Variants in YBX1 observed in about 807,000 individuals in gnomAD.
YBX1 encodes Y-box-binding protein 1.
Under a neutral mutation model 41.4 loss-of-function variants are expected in YBX1, and 3 were observed. The ratio of observed to expected loss-of-function variants is 0.07; its 90% CI spans 0.03 to 0.19. The LOEUF is 0.19. Ranked by LOEUF, YBX1 falls within the 10% of genes least tolerant of loss-of-function variation. YBX1 has a pLI of 1.00. For missense variants in YBX1, 274 were observed against 462.8 expected (o/e 0.59, Z 3.74); for synonymous variants, 133 against 165.8 (o/e 0.80, Z 1.52).
intron 2 of YBX1, among the ~76,000 whole-genome samples, chr1:42,687,001 C>T (rs1015858625): frequency 5.9e-5 from 9 of 152,206 alleles, no homozygotes; most frequent in South Asian, 4.2e-4. Flanking sequence ...TATTTTTAGC[C>T]GTTGAAAGAC....
At position 42,702,655 on chromosome 1, in the gene YBX1, C is replaced by G. The variant is rs1416040766; in HGVS notation, c.*706C>G. On this transcript the variant is annotated 3_prime_UTR_variant, in exon 8 of 8. Transcript: ENST00000321358. ...AGGCATTGTTTAAAAGGGCATTGCT[C>G]TAGCCTAGACCGACCAGACTCTCAT... Among the ~76,000 whole-genome samples the G allele has an allele frequency of 1.3e-5, 2 of 152,128 alleles. No homozygotes were observed. The highest frequency in any genetic ancestry group is 6.6e-5 in the Admixed American group (1 of 15,264).
At chr1:42,683,090 G>A (rs1236847651) in intron 1 of YBX1, 3 of 537,148 alleles carry the variant, frequency 5.6e-6, no homozygotes, top group Non-Finnish European at 7.0e-6. Context: ...GCGTGTGCTC[G>A]GAGGGCGCGG....
chr1:42,703,296 T>C lies in YBX1; in HGVS notation c.*1347T>C, dbSNP rs999363575. 1.3e-5 allele frequency among the ~76,000 whole-genome samples: 2 copies of C among 152,018 alleles called. No individual in the cohort carries two copies. The highest frequency in any genetic ancestry group is 2.9e-5 in the Non-Finnish European group (2 of 68,000). On this transcript the variant is annotated 3_prime_UTR_variant, in exon 8 of 8. Transcript: ENST00000321358. The stretch of plus-strand genomic sequence containing the variant: ...CTTTGTGAAATAGTCATGTAGTTGA[T>C]AGTGACTGCTGCCCCGAAACACTCC...
In YBX1 at chr1:42,697,237, C is replaced by T. The variant is rs774310804; in HGVS notation, c.715C>T (p.Arg239Trp). Residue 239 changes from arginine to tryptophan, a missense_variant, in exon 6 of 8, where the codon CGG becomes TGG. Transcript: ENST00000321358. ...QGRPVRQNMY[R>W]GYRPRFRRGP... ...TAGACCAGTGAGGCAGAATATGTAT[C>T]GGGGATATAGACCACGATTCCGCAG... 6 of 1,613,882 alleles carry T rather than the reference C, an allele frequency of 3.7e-6. No homozygotes were observed. Among genetic ancestry groups the T allele is most frequent in the South Asian group, 1.1e-5 (1 of 91,024 alleles).
At chr1:42,684,551 TAATC>T (rs1285001579) in intron 2 of YBX1, among the ~76,000 whole-genome samples, 1 of 152,246 alleles carries the variant, frequency 6.6e-6, no homozygotes, top group Non-Finnish European at 1.5e-5. Context: ...AACTGTTCAT[TAATC>T]AATCATAGAG....
chr1:42,702,827 C>T lies in YBX1; in HGVS notation c.*878C>T, dbSNP rs181914437. Among the ~76,000 whole-genome samples the T allele has an allele frequency of 2.8e-3, 433 of 152,294 alleles. 1 individual carries two copies. The highest frequency in any genetic ancestry group is 0.01 in the African/African-American group (418 of 41,570). On this transcript the variant is annotated 3_prime_UTR_variant, in exon 8 of 8. Coordinates refer to ENST00000321358, the MANE Select transcript of YBX1 (RefSeq NM_004559.5). ...GCTCCTTATGTCCTAGAGATGGAAA[C>T]AAGTAATATAAAACCCATGGGAAAG...
chr1:42,688,056 A>T (rs1186093775), intron 2 of YBX1, among the ~76,000 whole-genome samples: 2 of 152,186 alleles, frequency 1.3e-5, no homozygotes, highest in Admixed American at 1.3e-4. Context: ...TAAGCTGGCA[A>T]GAAGTCATCC....
chr1:42,696,597 G>GT lies in YBX1; in HGVS notation c.355-43dup, dbSNP rs778079363. The GT allele has an allele frequency of 3.7e-6, 5 of 1,364,132 alleles. No individual in the cohort carries two copies. In the South Asian group the frequency reaches 7.2e-5, roughly 20 times the overall value. The allele number at this position is 1,364,132 out of a possible 1,614,324, so 84.5% of individuals were successfully genotyped here. ...ATTTCCTTTTGAAAGTGTTGAAAGT[G>GT]TTCTGATTTCCTTTGTCACTATCAA... On this transcript the variant is annotated intron_variant, in intron 4 of 7. Coordinates refer to ENST00000321358, the MANE Select transcript of YBX1 (RefSeq NM_004559.5). This position sits in a 1 kb window ranked among gnomAD's most constrained non-coding sequence, Gnocchi z 5.7.
chr1:42,691,693 ATT>A (rs1650334131), intron 2 of YBX1, among the ~76,000 whole-genome samples: 1 of 152,176 alleles, frequency 6.6e-6, no homozygotes, highest in African/African-American at 2.4e-5. Flanking sequence ...CAGAAGCTGC[ATT>A]TTTAGTGAAT....
chr1:42,700,609 T>C (rs904117014), intron 6 of YBX1, among the ~76,000 whole-genome samples, 172 bp from the exon 7 acceptor site: 2,647 of 47,916 alleles, frequency 0.055, 1 homozygote, highest in Middle Eastern at 0.092. Context: ...CTACTCAGCA[T>C]CCCCCCCCCC....
chr1:42,684,144 G>GTA (rs1437829332), intron 2 of YBX1, among the ~76,000 whole-genome samples: 3 of 152,198 alleles, frequency 2.0e-5, no homozygotes, highest in African/African-American at 7.2e-5. Flanking sequence ...ATCCCTGGCT[G>GTA]TAGCTTATTA....
At chr1:42,697,083 G>C in intron 5 of YBX1, 97 bp from the exon 6 acceptor site, 1 of 1,486,526 alleles carries the variant, frequency 6.7e-7, no homozygotes. Context: ...TTACTAGATG[G>C]TCTGTTTTGT....
intron 2 of YBX1, among the ~76,000 whole-genome samples, chr1:42,688,632 T>C (rs1650256389): frequency 6.6e-6 from 1 of 152,162 alleles, no homozygotes; most frequent in Non-Finnish European, 1.5e-5. Flanking sequence ...TAAAAAGAAC[T>C]TGTAGTACAC....
chr1:42,683,270 C>A (rs753522365), intron 1 of YBX1, 133 bp from the exon 2 acceptor site: 54 of 1,061,854 alleles, frequency 5.1e-5, no homozygotes, highest in Admixed American at 3.2e-4. Flanking sequence ...GGCCCCGCAC[C>A]CGGGCGGTGG....
In YBX1 at chr1:42,697,305, C is replaced by A; in HGVS notation, c.740+43C>A. ...ATGTTTCTATTAAAATTTCCTCAAACCCGTGTTAGGACTCAGCAATATCAT... is the reference window on the plus strand; with the variant it reads ...ATGTTTCTATTAAAATTTCCTCAAAACCGTGTTAGGACTCAGCAATATCAT... On this transcript the variant is annotated intron_variant, in intron 6 of 7. Coordinates refer to ENST00000321358, the MANE Select transcript of YBX1 (RefSeq NM_004559.5). 1.9e-6 allele frequency: 3 copies of A among 1,596,908 alleles called. No homozygotes were observed. In the South Asian group the frequency reaches 3.4e-5, roughly 18 times the overall value.
intron 3 of YBX1, among the ~76,000 whole-genome samples, chr1:42,694,462 C>A (rs1337014074): frequency 6.6e-6 from 1 of 152,116 alleles, no homozygotes; most frequent in East Asian, 1.9e-4. Flanking sequence ...AAATTAGAGA[C>A]CATAACTACT....
chr1:42,694,107 G>A (rs1214406691), intron 3 of YBX1, among the ~76,000 whole-genome samples: 1 of 151,916 alleles, frequency 6.6e-6, no homozygotes, highest in Non-Finnish European at 1.5e-5. Flanking sequence ...TTAAGGTTAA[G>A]TGGGGGGAAG....
At chr1:42,701,527 TG>T (rs961220035) in intron 7 of YBX1, among the ~76,000 whole-genome samples, 23 of 149,422 alleles carry the variant, frequency 1.5e-4, no homozygotes, top group East Asian at 4.0e-4. Flanking sequence ...CATTTCTAAT[TG>T]TTTTTTTTTT....
intron 5 of YBX1, 101 bp from the exon 6 acceptor site, chr1:42,697,079 G>A: frequency 6.8e-7 from 1 of 1,479,750 alleles, no homozygotes; most frequent in South Asian, 1.3e-5. Context: ...ACAATTACTA[G>A]ATGGTCTGTT....
Sources: allele counts gnomAD v4.1 joint callset (sites outside exome capture counted in the v4.1 genomes callset), GRCh38; gene constraint gnomAD v4.1.1; non-coding constraint Gnocchi (gnomAD v3.1); transcripts MANE v1.5; gene names NCBI Gene and HGNC (gene_info 2026-07-23, HGNC 2026-07-21).